Variants in SEMA3D observed in about 807,000 individuals in gnomAD.
The protein encoded by SEMA3D is semaphorin 3D.
In SEMA3D, 84 loss-of-function variants were observed where a neutral mutation model predicts 100.1. That is an observed-to-expected ratio of 0.84 (90% CI 0.70 to 1.01). The LOEUF is 1.01. Among genes scored for constraint, SEMA3D ranks in the 50% least tolerant of loss-of-function variants. SEMA3D has a pLI of 0.00. For missense variants in SEMA3D, 875 were observed against 934.1 expected (o/e 0.94, Z 0.82); for synonymous variants, 312 against 320.7 (o/e 0.97, Z 0.29).
intron 15 of SEMA3D, among the ~76,000 whole-genome samples, chr7:85,017,381 T>TATTC (rs1234731844): frequency 6.6e-6 from 1 of 151,764 alleles, no homozygotes; most frequent in Non-Finnish European, 1.5e-5. Flanking sequence ...CGAGCTATGT[T>TATTC]ATTCATTCAT....
intron 11 of SEMA3D, among the ~76,000 whole-genome samples, chr7:85,040,187 C>T (rs1790818033): frequency 6.6e-6 from 1 of 151,722 alleles, no homozygotes; most frequent in Non-Finnish European, 1.5e-5. Flanking sequence ...ACTATGTTGT[C>T]CAGGCTGGTC....
chr7:85,021,135 C>T (rs1351297874), intron 13 of SEMA3D, among the ~76,000 whole-genome samples: 3 of 151,578 alleles, frequency 2.0e-5, no homozygotes, highest in Non-Finnish European at 4.4e-5. Flanking sequence ...TAATAATGAT[C>T]CTGTTCGCAC....
chr7:85,147,704 T>C (rs1790257094), intron 2 of SEMA3D, among the ~76,000 whole-genome samples: 1 of 152,206 alleles, frequency 6.6e-6, no homozygotes, highest in Non-Finnish European at 1.5e-5. Flanking sequence ...TTTATCCTAA[T>C]GCTTTAGTGT....
chr7:85,052,220 C>T (rs867883122), intron 9 of SEMA3D, among the ~76,000 whole-genome samples: 8 of 152,040 alleles, frequency 5.3e-5, no homozygotes, highest in South Asian at 4.1e-4. Context: ...AAATATTTCT[C>T]GATCCAGATA....
At chr7:85,204,456 C>A in the SEMA3D span, among the ~76,000 whole-genome samples, 1 of 151,836 alleles carries the variant, frequency 6.6e-6, no homozygotes, top group Non-Finnish European at 1.5e-5. Flanking sequence ...CAGCTTTTAA[C>A]TGGCAGTTAG....
intron 3 of SEMA3D, among the ~76,000 whole-genome samples, chr7:85,103,207 A>G (rs1183681445): frequency 1.3e-5 from 2 of 152,078 alleles, no homozygotes; most frequent in Non-Finnish European, 2.9e-5. Context: ...CAAAACAGAA[A>G]AAAAATTGGT....
chr7:85,140,340 A>T (rs1790010788), intron 2 of SEMA3D: 12 of 981,392 alleles, frequency 1.2e-5, no homozygotes, highest in Non-Finnish European at 1.2e-5. Context: ...GAAATCATAT[A>T]AGTTAAGGTC....
intron 12 of SEMA3D, chr7:85,028,492 A>G (rs1790455468): frequency 5.5e-6 from 2 of 361,114 alleles, no homozygotes; most frequent in Non-Finnish European, 1.0e-5. Flanking sequence ...CTGAGGTGAA[A>G]TCTACAGCCA....
intron 17 of SEMA3D, among the ~76,000 whole-genome samples, chr7:85,008,118 T>C (rs1394822623): frequency 1.3e-5 from 2 of 151,788 alleles, no homozygotes; most frequent in Non-Finnish European, 1.5e-5. Context: ...CACAGAAAGA[T>C]CACTGGTGCC....
At chr7:85,113,966 A>G (rs1789167535) in intron 3 of SEMA3D, among the ~76,000 whole-genome samples, 1 of 152,068 alleles carries the variant, frequency 6.6e-6, no homozygotes, top group African/African-American at 2.4e-5. Context: ...TTTAAAACCA[A>G]TATTATTTTT....
intron 18 of SEMA3D, among the ~76,000 whole-genome samples, chr7:85,001,412 A>C (rs1789651343): frequency 6.6e-6 from 1 of 152,222 alleles, no homozygotes; most frequent in Non-Finnish European, 1.5e-5. Flanking sequence ...GAATTAATTT[A>C]CATTCTCAGA....
At chr7:85,239,081 T>C in the SEMA3D span, among the ~76,000 whole-genome samples, 30 of 152,352 alleles carry the variant, frequency 2.0e-4, no homozygotes, top group East Asian at 5.8e-3. Flanking sequence ...TATTAAGGTT[T>C]ATCAATTGTA....
At chr7:85,111,750 T>C (rs1048545626) in intron 3 of SEMA3D, among the ~76,000 whole-genome samples, 1 of 152,066 alleles carries the variant, frequency 6.6e-6, no homozygotes, top group African/African-American at 2.4e-5. Flanking sequence ...ATGCCAGCAG[T>C]AGAAGATCTA....
chr7:85,195,557 CTCTT>C, the SEMA3D span, among the ~76,000 whole-genome samples: 1 of 152,036 alleles, frequency 6.6e-6, no homozygotes, highest in Non-Finnish European at 1.5e-5. Flanking sequence ...TGCTCAAGCA[CTCTT>C]CTCACCTCAG....
At chr7:85,052,129 C>CA (rs1791182441) in intron 9 of SEMA3D, among the ~76,000 whole-genome samples, 1 of 151,936 alleles carries the variant, frequency 6.6e-6, no homozygotes, top group Non-Finnish European at 1.5e-5. Flanking sequence ...TCTATCTGAA[C>CA]TATCTCTTGA....
At chr7:85,217,149 T>C in the SEMA3D span, among the ~76,000 whole-genome samples, 1 of 152,078 alleles carries the variant, frequency 6.6e-6, no homozygotes, top group Non-Finnish European at 1.5e-5. Flanking sequence ...ATCTTTATTA[T>C]TTTCTACTTA....
At chr7:85,187,354 C>T (rs977779304), upstream of SEMA3D, among the ~76,000 whole-genome samples, 4 of 152,082 alleles carry the variant, frequency 2.6e-5, no homozygotes, top group Admixed American at 6.6e-5. Flanking sequence ...GTTAAGGGAC[C>T]CCATGAGGAA....
chr7:85,100,136 G>A (rs1235703422), intron 3 of SEMA3D, among the ~76,000 whole-genome samples: 2 of 151,938 alleles, frequency 1.3e-5, no homozygotes, highest in Non-Finnish European at 2.9e-5. Context: ...CAGTAATCCA[G>A]TAATGATATC....
chr7:85,127,541 A>G (rs1262520037), intron 2 of SEMA3D, among the ~76,000 whole-genome samples: 2 of 152,142 alleles, frequency 1.3e-5, no homozygotes, highest in African/African-American at 2.4e-5. Context: ...TTTCCTGACC[A>G]TAACAGTAAC....
Sources: allele counts gnomAD v4.1 joint callset (sites outside exome capture counted in the v4.1 genomes callset), GRCh38; gene constraint gnomAD v4.1.1; transcripts MANE v1.5; gene names NCBI Gene and HGNC (gene_info 2026-07-23, HGNC 2026-07-21).